The following EPB41 variants were observed in gnomAD, a reference collection of about 807,000 sequenced individuals.
EPB41 encodes erythrocyte membrane protein band 4.1, also known as protein 4.1.
A neutral mutation model predicts 108.0 loss-of-function variants in EPB41; 65 were observed. The ratio of observed to expected loss-of-function variants is 0.60; its 90% CI spans 0.49 to 0.74. The LOEUF (loss-of-function observed/expected upper bound fraction) is 0.74, where lower values mean the gene tolerates loss of function less well. Among genes scored for constraint, EPB41 ranks in the 30% least tolerant of loss-of-function variants. The pLI is 0.00. For synonymous variants in EPB41, 336 were observed against 358.9 expected, an observed-to-expected ratio of 0.94 and a Z score of 0.72; for missense variants, 875 against 1,037.0, an observed-to-expected ratio of 0.84 and a Z score of 2.15.
At chr1:29,089,571 A>G (rs1176942540) in intron 16 of EPB41, among the ~76,000 whole-genome samples, 1 of 152,214 alleles carries the variant, frequency 6.6e-6, no homozygotes, top group Non-Finnish European at 1.5e-5. Flanking sequence ...CAGGCAGCCA[A>G]GGAAAATCTA....
intron 7 of EPB41, among the ~76,000 whole-genome samples, chr1:29,025,226 C>A (rs1180012380): frequency 6.6e-6 from 1 of 151,986 alleles, no homozygotes; most frequent in Admixed American, 6.5e-5. Context: ...CCACTTAATT[C>A]TTTGAAATCA....
chr1:28,982,255 T>C, intron 1 of EPB41: 1 of 467,842 alleles, frequency 2.1e-6, no homozygotes, highest in Non-Finnish European at 4.1e-6. Flanking sequence ...TCTTTTTAAT[T>C]TTTAATGACC....
chr1:28,933,365 G>A lies in EPB41; in HGVS notation c.-8+18597G>A, dbSNP rs561600372. Reference sequence around the variant, plus strand: ...TTTTATGAATCATAAAGTCAGACTGGGAGAGGTAACTTATCTAAGGTCATG... The same window carrying A: ...TTTTATGAATCATAAAGTCAGACTGAGAGAGGTAACTTATCTAAGGTCATG... On this transcript the variant is annotated intron_variant, in intron 1 of 20. Transcript: ENST00000343067. Among the ~76,000 whole-genome samples, 8 of 152,260 alleles carry A rather than the reference G, an allele frequency of 5.3e-5. No individual in the cohort carries two copies. The East Asian group carries it at 1.3e-3, about 26-fold the overall frequency.
At chr1:28,927,051 T>TC (rs996898632) in intron 1 of EPB41, among the ~76,000 whole-genome samples, 2 of 152,134 alleles carry the variant, frequency 1.3e-5, no homozygotes, top group African/African-American at 4.8e-5. Context: ...TTGTTGCTTT[T>TC]ATCTTTTGCA....
intron 1 of EPB41, chr1:28,982,417 C>T (rs991661154): frequency 3.7e-5 from 28 of 748,218 alleles, no homozygotes; most frequent in Admixed American, 6.9e-5. Context: ...GATCTTTGAC[C>T]CCTTGGTGAT....
intron 1 of EPB41, among the ~76,000 whole-genome samples, chr1:28,975,991 G>A (rs1250010059): frequency 8.6e-5 from 13 of 151,608 alleles, no homozygotes; most frequent in African/African-American, 2.7e-4. Flanking sequence ...GTACATGGGC[G>A]GGGAACTTGA....
intron 11 of EPB41, among the ~76,000 whole-genome samples, chr1:29,044,831 C>T (rs937652213): frequency 5.3e-5 from 8 of 152,170 alleles, no homozygotes; most frequent in African/African-American, 1.9e-4. Context: ...GCCTGGATGA[C>T]AGAGTGAGAC....
chr1:28,953,781 A>G (rs2094837672), intron 1 of EPB41, among the ~76,000 whole-genome samples: 1 of 152,256 alleles, frequency 6.6e-6, no homozygotes, highest in African/African-American at 2.4e-5. Context: ...TAAAGAATGG[A>G]TGGACACCAG....
chr1:29,090,464 G>A (rs147014881), intron 16 of EPB41, among the ~76,000 whole-genome samples: 12 of 152,028 alleles, frequency 7.9e-5, no homozygotes, highest in African/African-American at 1.7e-4. Context: ...TAGAAGTGAC[G>A]GAGGGGCCGG....
At chr1:28,988,108 C>A (rs1288076149) in intron 2 of EPB41, among the ~76,000 whole-genome samples, 1 of 152,114 alleles carries the variant, frequency 6.6e-6, no homozygotes, top group Non-Finnish European at 1.5e-5. Context: ...ACTAAAAGTA[C>A]AAAAATTAGC....
At chr1:29,067,410 G>A (rs1226843517) in intron 16 of EPB41, among the ~76,000 whole-genome samples, 5 of 146,026 alleles carry the variant, frequency 3.4e-5, no homozygotes, top group Non-Finnish European at 7.5e-5. Flanking sequence ...GCAGGAGAAT[G>A]GCGTAAACCT....
intron 3 of EPB41, among the ~76,000 whole-genome samples, chr1:28,996,961 C>T (rs773187250): frequency 2.0e-5 from 3 of 151,844 alleles, no homozygotes; most frequent in South Asian, 2.1e-4. Flanking sequence ...AAAACCAGCC[C>T]GGGCAACATA....
At chr1:28,946,163 G>T in intron 1 of EPB41, among the ~76,000 whole-genome samples, 1 of 150,670 alleles carries the variant, frequency 6.6e-6, no homozygotes. Context: ...AAATACTTTT[G>T]TGATTGAGAA....
At chr1:28,927,995 T>A (rs1026074207) in intron 1 of EPB41, among the ~76,000 whole-genome samples, 1 of 152,134 alleles carries the variant, frequency 6.6e-6, no homozygotes, top group African/African-American at 2.4e-5. Context: ...TGCTTTCTTT[T>A]AATTTTCTGC....
chr1:28,942,770 T>C lies in EPB41; in HGVS notation c.-8+28002T>C, dbSNP rs768668462. Among the ~76,000 whole-genome samples, 18 of 152,314 alleles carry C rather than the reference T, an allele frequency of 1.2e-4. No individual in the cohort carries two copies. In the East Asian group the frequency reaches 3.1e-3, roughly 26 times the overall value. On this transcript the variant is annotated intron_variant, in intron 1 of 20. Transcript: ENST00000343067. ...GGTGGCACTGAAAGTTCTAACCCTC[T>C]AATCACATGGTTGGTTCCCCTGGCA...
intron 7 of EPB41, among the ~76,000 whole-genome samples, chr1:29,027,902 A>C (rs2096741796): frequency 6.6e-6 from 1 of 151,344 alleles, no homozygotes; most frequent in South Asian, 2.1e-4. Context: ...TCGGCTCACC[A>C]CAACCTCTGC....
chr1:28,949,920 G>A (rs1017830953), intron 1 of EPB41, among the ~76,000 whole-genome samples: 1 of 152,066 alleles, frequency 6.6e-6, no homozygotes, highest in African/African-American at 2.4e-5. Flanking sequence ...TTATTTTTAA[G>A]ACATTTATTT....
chr1:28,955,194 T>C (rs1210483842), intron 1 of EPB41, among the ~76,000 whole-genome samples: 1 of 152,182 alleles, frequency 6.6e-6, no homozygotes, highest in Non-Finnish European at 1.5e-5. Context: ...TTACAATGGG[T>C]ATTTGTACAA....
intron 1 of EPB41, among the ~76,000 whole-genome samples, chr1:28,917,737 T>C (rs906868539): frequency 6.6e-6 from 1 of 151,606 alleles, no homozygotes; most frequent in Non-Finnish European, 1.5e-5. Context: ...TGCACCACCA[T>C]GCCCAGCTTT....
Sources: allele counts gnomAD v4.1 joint callset (sites outside exome capture counted in the v4.1 genomes callset), GRCh38; gene constraint gnomAD v4.1.1; transcripts MANE v1.5; gene names NCBI Gene and HGNC (gene_info 2026-07-23, HGNC 2026-07-21).